Variants in AUH observed in about 807,000 individuals in gnomAD.
The protein encoded by AUH is AU RNA binding methylglutaconyl-CoA hydratase.
Under a neutral mutation model 42.3 loss-of-function variants are expected in AUH, and 29 were observed. The ratio of observed to expected loss-of-function variants is 0.69; its 90% CI spans 0.51 to 0.93. AUH has a LOEUF of 0.93. Among genes scored for constraint, AUH ranks in the 40% least tolerant of loss-of-function variants. The pLI is 0.00. For missense variants in AUH, 452 were observed against 438.1 expected, an observed-to-expected ratio of 1.03 and a Z score of -0.28; for synonymous variants, 174 against 166.4, an observed-to-expected ratio of 1.05 and a Z score of -0.35.
chr9:91,301,570 T>C (rs529380886), intron 4 of AUH, among the ~76,000 whole-genome samples: 12 of 152,164 alleles, frequency 7.9e-5, no homozygotes, highest in Admixed American at 7.9e-4. Context: ...AGAAATTATG[T>C]TTCTAAAGAG....
chr9:91,336,148 G>C (rs76609483), intron 3 of AUH, among the ~76,000 whole-genome samples: 1,829 of 152,060 alleles, frequency 0.012, 45 homozygotes, highest in African/African-American at 0.042. Flanking sequence ...AGAAATTTTA[G>C]TAAAAATTTA....
chr9:91,271,388 T>C (rs576911791), intron 6 of AUH, among the ~76,000 whole-genome samples: 135 of 152,380 alleles, frequency 8.9e-4, no homozygotes, highest in African/African-American at 3.1e-3. Flanking sequence ...CAGTTATATT[T>C]CACACAGAGT....
At chr9:91,265,967 T>C (rs995350914) in intron 6 of AUH, among the ~76,000 whole-genome samples, 2 of 152,182 alleles carry the variant, frequency 1.3e-5, no homozygotes, top group African/African-American at 2.4e-5. Context: ...TTATAGTTTA[T>C]GTTTTCATTT....
At chr9:91,299,818 G>A (rs1827644420) in intron 4 of AUH, among the ~76,000 whole-genome samples, 1 of 152,062 alleles carries the variant, frequency 6.6e-6, no homozygotes, top group Admixed American at 6.6e-5. Context: ...AACCTGTCTA[G>A]AGATCATTTA....
At chr9:91,294,005 GAACA>G (rs903257520) in intron 6 of AUH, among the ~76,000 whole-genome samples, 3 of 152,146 alleles carry the variant, frequency 2.0e-5, no homozygotes, top group African/African-American at 7.2e-5. Flanking sequence ...TTTATAAATG[GAACA>G]AATAAAACCT....
intron 6 of AUH, among the ~76,000 whole-genome samples, chr9:91,224,324 G>A (rs1827310240): frequency 6.6e-6 from 1 of 152,094 alleles, no homozygotes; most frequent in Non-Finnish European, 1.5e-5. Context: ...TTCATTTGTT[G>A]AGTTACAGGA....
At position 91,249,693 on chromosome 9, in the gene AUH, A is replaced by G. The variant is rs181101389; in HGVS notation, c.656-28701T>C. ...ACTACTGTTTGTGTTCATTTTAAAC[A>G]AAAAGGCTTTGCAATTGTTTTTAAA... On this transcript the variant is annotated intron_variant, in intron 6 of 9. Coordinates refer to ENST00000375731, the MANE Select transcript of AUH (RefSeq NM_001698.3). 8.2e-4 allele frequency among the ~76,000 whole-genome samples: 125 copies of G among 152,332 alleles called. 1 individual carries two copies. Among genetic ancestry groups the G allele is most frequent in the African/African-American group, 2.9e-3 (120 of 41,570 alleles).
Position 91,356,235 on chromosome 9 carries a change from T to C in AUH, c.263-80A>G, listed in dbSNP as rs1163242511. On this transcript the variant is annotated intron_variant, in intron 1 of 9. Transcript: ENST00000375731. ...ACAGACTCTACATCACACATCTAGC[T>C]AGCTTCGAACTTAACAAATCAAAGA... 8 of 1,141,914 alleles carry C rather than the reference T, an allele frequency of 7.0e-6. No homozygotes were observed. In the Admixed American group the frequency reaches 1.1e-4, roughly 16 times the overall value. 70.7% of individuals were successfully genotyped at this position (1,141,914 alleles called of 1,614,324 possible).
chr9:91,266,714 G>A (rs533459719), intron 6 of AUH, among the ~76,000 whole-genome samples: 1 of 152,332 alleles, frequency 6.6e-6, no homozygotes, highest in East Asian at 1.9e-4. Flanking sequence ...AGGCCTCACA[G>A]AGTCCAGTAC....
At chr9:91,234,409 G>A (rs1457105893) in intron 6 of AUH, among the ~76,000 whole-genome samples, 1 of 152,234 alleles carries the variant, frequency 6.6e-6, no homozygotes, top group African/African-American at 2.4e-5. Context: ...GGGGCTCCTG[G>A]GTTCCAGTTT....
chr9:91,311,541 T>C (rs1828700821), intron 4 of AUH, among the ~76,000 whole-genome samples: 1 of 152,262 alleles, frequency 6.6e-6, no homozygotes, highest in African/African-American at 2.4e-5. Flanking sequence ...CTTTGATGTC[T>C]CAACTTGAGA....
chr9:91,239,798 A>G (rs904850279), intron 6 of AUH, among the ~76,000 whole-genome samples: 1 of 152,148 alleles, frequency 6.6e-6, no homozygotes, highest in African/African-American at 2.4e-5. Context: ...ATGTAAGGAG[A>G]AAAACCTAAC....
chr9:91,319,434 C>T (rs1829402783), intron 4 of AUH, among the ~76,000 whole-genome samples: 1 of 152,140 alleles, frequency 6.6e-6, no homozygotes, highest in Admixed American at 6.5e-5. Context: ...TGTCAGGTGA[C>T]CATGTAATTG....
chr9:91,296,194 A>ATTATTTTTTTTTTTTTTTT, intron 5 of AUH, 117 bp from the exon 6 acceptor site: 1 of 1,019,508 alleles, frequency 9.8e-7, no homozygotes, highest in Non-Finnish European at 1.4e-6. Context: ...GATATCACAA[A>ATTATTTTTTTTTTTTTTTT]TTCTTAAAAA....
chr9:91,256,079 G>T (rs1829390026), intron 6 of AUH, among the ~76,000 whole-genome samples: 1 of 152,034 alleles, frequency 6.6e-6, no homozygotes. Context: ...TTGATCATTT[G>T]TAATATATGG....
At chr9:91,222,618 T>C (rs908818511) in intron 6 of AUH, among the ~76,000 whole-genome samples, 5 of 152,170 alleles carry the variant, frequency 3.3e-5, no homozygotes, top group Admixed American at 6.5e-5. Context: ...GTAGTAAAGA[T>C]AGGTCTGAGA....
At chr9:91,320,685 T>C (rs796318993) in intron 4 of AUH, among the ~76,000 whole-genome samples, 10 of 152,350 alleles carry the variant, frequency 6.6e-5, no homozygotes, top group African/African-American at 2.2e-4. Flanking sequence ...GTTTTTCTTT[T>C]AACATAACTT....
rs888691049 is a variant in AUH at position 91,297,910 on chromosome 9, T to C, written c.598+74A>G. 1.3e-5 allele frequency: 16 copies of C among 1,191,680 alleles called. No individual in the cohort carries two copies. The African/African-American group carries it at 2.3e-4, about 17-fold the overall frequency. 73.8% of individuals were successfully genotyped at this position (1,191,680 alleles called of 1,614,324 possible). On this transcript the variant is annotated intron_variant, in intron 5 of 9. Coordinates refer to ENST00000375731, the MANE Select transcript of AUH (RefSeq NM_001698.3). The stretch of plus-strand genomic sequence containing the variant: ...CTCAACAACAGGAAGCAGAATAAAA[T>C]ATTTAAAATTACCTGAAGAGTAAAC...
intron 1 of AUH, among the ~76,000 whole-genome samples, chr9:91,358,314 T>G (rs1832593996): frequency 6.6e-6 from 1 of 152,196 alleles, no homozygotes; most frequent in African/African-American, 2.4e-5. Flanking sequence ...AAAGTGAATC[T>G]GAAGTGCCTT....
Sources: gnomAD v4.1 joint callset for allele counts (sites outside exome capture counted in the v4.1 genomes callset) on GRCh38, gnomAD v4.1.1 for gene constraint, MANE v1.5 for transcripts, NCBI Gene and HGNC (gene_info 2026-07-23, HGNC 2026-07-21) for gene names.